Variants in ME3 observed in about 807,000 individuals in gnomAD.
The protein encoded by ME3 is NADP-dependent malic enzyme, mitochondrial.
ME3 carries 48 observed loss-of-function variants against 68.9 expected under a neutral mutation model. The observed-to-expected ratio is 0.70, with a 90% CI of 0.55 to 0.89. The LOEUF is 0.89. Among genes scored for constraint, ME3 ranks in the 40% least tolerant of loss-of-function variants. The pLI, the probability that ME3 is intolerant of heterozygous loss-of-function variation, is 0.00. For synonymous variants in ME3, 320 were observed against 318.8 expected (o/e 1.00, Z -0.04); for missense variants, 675 against 797.4 (o/e 0.85, Z 1.85).
intron 2 of ME3, among the ~76,000 whole-genome samples, chr11:86,646,595 C>T (rs4944616): frequency 0.44 from 67,219 of 152,002 alleles, 16,737 homozygotes; most frequent in Non-Finnish European, 0.57. Context: ...CTGAAAGTGA[C>T]GAGGAGAATG....
At chr11:86,646,719 A>G (rs1594772034) in intron 2 of ME3, among the ~76,000 whole-genome samples, 1 of 152,184 alleles carries the variant, frequency 6.6e-6, no homozygotes, top group Admixed American at 6.5e-5. Context: ...AAGATAATCC[A>G]TGAGAAGAGT....
intron 6 of ME3, 75 bp from the exon 7 acceptor site, chr11:86,487,515 G>A (rs898963729): frequency 5.9e-6 from 7 of 1,194,760 alleles, no homozygotes; most frequent in Non-Finnish European, 8.6e-6. Context: ...AAGTATCCAG[G>A]ATTATTAGGA....
rs960069173 is a variant in ME3, at chr11:86,563,520, G to A, written c.184-3697C>T. 7.2e-5 allele frequency among the ~76,000 whole-genome samples: 11 copies of A among 151,914 alleles called. No individual in the cohort carries two copies. The South Asian group carries it at 8.3e-4, about 12-fold the overall frequency. On this transcript the variant is annotated intron_variant, in intron 2 of 14. Coordinates refer to ENST00000543262, the Ensembl canonical transcript of ME3. ...TTGGGGACTTAGTCAAACATTCTTC[G>A]CCAAAGTTGATGTTGAAAAGAGTAT...
intron 9 of ME3, 107 bp from the exon 10 acceptor site, chr11:86,450,109 A>T: frequency 1.0e-6 from 1 of 986,276 alleles, no homozygotes; most frequent in Non-Finnish European, 1.5e-6. Context: ...CACCTCAATG[A>T]CTCCCAGGAG....
At chr11:86,648,325 A>G (rs1945168355) in intron 2 of ME3, among the ~76,000 whole-genome samples, 1 of 152,254 alleles carries the variant, frequency 6.6e-6, no homozygotes, top group South Asian at 2.1e-4. Flanking sequence ...CAGCTAAAGC[A>G]GTGTTAAGAG....
At chr11:86,540,266 G>T (rs547870485) in intron 4 of ME3, among the ~76,000 whole-genome samples, 42 of 152,228 alleles carry the variant, frequency 2.8e-4, no homozygotes, top group African/African-American at 7.7e-4. Context: ...TGCTTTTTTT[G>T]TTGTTGTTGT....
intron 2 of ME3, among the ~76,000 whole-genome samples, chr11:86,600,974 G>C (rs76174187): frequency 2.5e-3 from 379 of 151,530 alleles, no homozygotes; most frequent in Non-Finnish European, 3.9e-3. Flanking sequence ...GAAATTTATA[G>C]CACTAAATGC....
intron 2 of ME3, among the ~76,000 whole-genome samples, chr11:86,606,174 C>T (rs924509923): frequency 2.0e-5 from 3 of 152,150 alleles, no homozygotes; most frequent in African/African-American, 4.8e-5. Context: ...CCATTGATCT[C>T]TACTATATAA....
At chr11:86,524,463 G>C (rs569013241) in intron 4 of ME3, among the ~76,000 whole-genome samples, 2 of 152,242 alleles carry the variant, frequency 1.3e-5, no homozygotes, top group Admixed American at 1.3e-4. Flanking sequence ...AATAGGCTAG[G>C]AGCTCAGAAC....
At chr11:86,563,863 G>A (rs960017637) in intron 2 of ME3, among the ~76,000 whole-genome samples, 39 of 152,142 alleles carry the variant, frequency 2.6e-4, no homozygotes, top group African/African-American at 9.4e-4. Flanking sequence ...TTTAAGTATA[G>A]TTTGAAGTCA....
chr11:86,598,029 T>C (rs1959831641), intron 2 of ME3, among the ~76,000 whole-genome samples: 1 of 151,974 alleles, frequency 6.6e-6, no homozygotes, highest in Admixed American at 6.6e-5. Context: ...ATGCAGAAGA[T>C]GGGTGATTTC....
intron 2 of ME3, among the ~76,000 whole-genome samples, chr11:86,643,955 T>C (rs1944836032): frequency 6.6e-6 from 1 of 152,108 alleles, no homozygotes; most frequent in Non-Finnish European, 1.5e-5. Context: ...CTCACAAGCT[T>C]TTTGTGGGGA....
chr11:86,473,478 C>T (rs924078866), intron 7 of ME3, among the ~76,000 whole-genome samples: 11 of 151,858 alleles, frequency 7.2e-5, no homozygotes, highest in African/African-American at 1.9e-4. Context: ...TGGGACTGAA[C>T]GGTGAATTTG....
At chr11:86,589,355 G>A (rs1455129118) in intron 2 of ME3, among the ~76,000 whole-genome samples, 1 of 152,102 alleles carries the variant, frequency 6.6e-6, no homozygotes, top group Admixed American at 6.5e-5. Flanking sequence ...TTGGGGGAGG[G>A]AGAGGGAGAA....
At chr11:86,640,194 C>A (rs1386619054) in intron 2 of ME3, among the ~76,000 whole-genome samples, 1 of 152,154 alleles carries the variant, frequency 6.6e-6, no homozygotes, top group Non-Finnish European at 1.5e-5. Context: ...GGTGCTTAAG[C>A]CAAACTCCTG....
intron 2 of ME3, among the ~76,000 whole-genome samples, chr11:86,632,385 A>G (rs1035417571): frequency 2.6e-5 from 4 of 152,176 alleles, no homozygotes; most frequent in African/African-American, 9.7e-5. Context: ...TCTGTAAGCC[A>G]GGTATCTTGG....
At chr11:86,543,279 G>C (rs918720021) in intron 4 of ME3, among the ~76,000 whole-genome samples, 2 of 152,196 alleles carry the variant, frequency 1.3e-5, no homozygotes, top group Non-Finnish European at 2.9e-5. Flanking sequence ...GCATCATAAT[G>C]ATAGGATCAG....
At chr11:86,466,773 C>T (rs2138747849) in intron 7 of ME3, among the ~76,000 whole-genome samples, 1 of 152,290 alleles carries the variant, frequency 6.6e-6, no homozygotes, top group Admixed American at 6.5e-5. Flanking sequence ...GAGATGGATT[C>T]ACATTACAGG....
intron 4 of ME3, among the ~76,000 whole-genome samples, chr11:86,540,346 G>A (rs1171452123): frequency 4.6e-5 from 7 of 152,140 alleles, no homozygotes; most frequent in East Asian, 1.9e-4. Flanking sequence ...CCAGTCTACC[G>A]CTACTGGACA....
Sources: gnomAD v4.1 joint callset for allele counts (sites outside exome capture counted in the v4.1 genomes callset) on GRCh38, gnomAD v4.1.1 for gene constraint, MANE v1.5 for transcripts, NCBI Gene and HGNC (gene_info 2026-07-23, HGNC 2026-07-21) for gene names.